Variants in OC90 observed in about 807,000 individuals in gnomAD.
OC90 encodes the protein otoconin 90, also known as otoconin-90.
OC90 carries 46 observed loss-of-function variants against 47.3 expected under a neutral mutation model. The ratio of observed to expected loss-of-function variants is 0.97; its 90% CI spans 0.77 to 1.24. The LOEUF (loss-of-function observed/expected upper bound fraction) is 1.24. Among genes scored for constraint, OC90 ranks in the 50% most tolerant of loss-of-function variants. OC90 has a pLI of 0.00. For missense variants in OC90, 688 were observed against 583.9 expected, an observed-to-expected ratio of 1.18 and a Z score of -1.84; for synonymous variants, 271 against 219.5, an observed-to-expected ratio of 1.23 and a Z score of -2.07.
chr8:132,029,783 T>C (rs1317735128), intron 12 of OC90, among the ~76,000 whole-genome samples: 1 of 152,262 alleles, frequency 6.6e-6, no homozygotes, highest in Non-Finnish European at 1.5e-5. Context: ...CCATCTTGGC[T>C]GATACGGCCT....
intron 1 of OC90, among the ~76,000 whole-genome samples, chr8:132,057,892 G>A (rs1351246598): frequency 1.3e-5 from 2 of 152,214 alleles, no homozygotes; most frequent in Admixed American, 1.3e-4. Context: ...AGAAGGGGGC[G>A]CTCTGGCAAT....
intron 11 of OC90, among the ~76,000 whole-genome samples, chr8:132,032,427 G>A (rs1489647535): frequency 6.6e-6 from 1 of 152,084 alleles, no homozygotes; most frequent in Non-Finnish European, 1.5e-5. Flanking sequence ...GTCGCATCAG[G>A]TTAGCACACC....
At chr8:132,032,483 C>T (rs573315217) in intron 11 of OC90, among the ~76,000 whole-genome samples, 2 of 152,238 alleles carry the variant, frequency 1.3e-5, no homozygotes, top group East Asian at 3.9e-4. Context: ...TCTCCCCACT[C>T]CCCTCTCTTT....
At chr8:132,055,524 C>G (rs1357374033) in intron 1 of OC90, among the ~76,000 whole-genome samples, 19 of 152,112 alleles carry the variant, frequency 1.2e-4, no homozygotes, top group Admixed American at 1.2e-3. Context: ...TTTAAATAGC[C>G]CGTACTTTAT....
intron 13 of OC90, among the ~76,000 whole-genome samples, chr8:132,028,567 G>GAAAGAAGA (rs1157447594): frequency 7.7e-5 from 1 of 12,966 alleles, no homozygotes; most frequent in African/African-American, 1.6e-4. Flanking sequence ...AGAAAGAAAG[G>GAAAGAAGA]AAGGAAGGAA....
At chr8:132,036,970 A>G (rs1351390144) in intron 9 of OC90, among the ~76,000 whole-genome samples, 3 of 152,246 alleles carry the variant, frequency 2.0e-5, no homozygotes, top group Admixed American at 1.3e-4. Flanking sequence ...GCTTGCTCTC[A>G]TTTAATCCTT....
intron 11 of OC90, among the ~76,000 whole-genome samples, chr8:132,032,483 C>A (rs573315217): frequency 6.6e-6 from 1 of 152,120 alleles, no homozygotes; most frequent in East Asian, 1.9e-4. Flanking sequence ...TCTCCCCACT[C>A]CCCTCTCTTT....
At chr8:132,054,912 A>C (rs939115530) in intron 2 of OC90, 69 bp downstream of exon 2, 2 of 1,137,348 alleles carry the variant, frequency 1.8e-6, no homozygotes, top group African/African-American at 3.1e-5. Flanking sequence ...GGGCCTGTTG[A>C]AGGGACAGTA....
intron 6 of OC90, 40 bp from the exon 7 acceptor site, chr8:132,039,163 G>C: frequency 6.4e-7 from 1 of 1,561,552 alleles, no homozygotes; most frequent in Non-Finnish European, 8.7e-7. Context: ...AAAGATCTCA[G>C]CTGGAATCCC....
At chr8:132,042,439 A>G (rs1463944586) in intron 4 of OC90, among the ~76,000 whole-genome samples, 1 of 152,100 alleles carries the variant, frequency 6.6e-6, no homozygotes, top group Admixed American at 6.5e-5. Flanking sequence ...CACATGGGTA[A>G]ATTGATACTG....
At chr8:132,031,084 A>G (rs986922688) in intron 12 of OC90, among the ~76,000 whole-genome samples, 1 of 152,158 alleles carries the variant, frequency 6.6e-6, no homozygotes, top group Non-Finnish European at 1.5e-5. Flanking sequence ...AACTTGATCA[A>G]CGCTACTTTG....
chr8:132,049,358 T>C lies in OC90; in HGVS notation c.47-3475A>G, dbSNP rs562006386. Among the ~76,000 whole-genome samples the C allele has an allele frequency of 2.2e-3, 340 of 152,290 alleles. 4 individuals carry two copies. Among genetic ancestry groups the C allele is most frequent in the Middle Eastern group, 0.014 (4 of 294 alleles). ...TTGGGGAAGCAGCCCAGCCTAGTGA[T>C]CATGGCTGGAAAAAGATCCTGTCCA... On this transcript the variant is annotated intron_variant, in intron 2 of 13. Coordinates refer to ENST00000254627, the MANE Select transcript of OC90 (RefSeq NM_001080399.3).
In OC90 at chr8:132,034,881, T is replaced by C. The variant is rs756947028; in HGVS notation, c.680-47A>G. The C allele has an allele frequency of 6.0e-6, 9 of 1,494,998 alleles. No individual in the cohort carries two copies. The Admixed American group carries it at 1.2e-4, about 20-fold the overall frequency. 92.6% of individuals were successfully genotyped at this position (1,494,998 alleles called of 1,614,324 possible). A position where few individuals can be genotyped will look rare whatever the true frequency, so the allele number is the denominator to read the frequency against. On this transcript the variant is annotated intron_variant, in intron 9 of 13. Coordinates refer to ENST00000254627, the MANE Select transcript of OC90 (RefSeq NM_001080399.3). ...CAGCATGAGCATCCACCCCAGCCTG[T>C]CCCACCTGGGTTTCCAGAGGCTCTT...
At chr8:132,034,192 C>A (rs758832061) in intron 10 of OC90, among the ~76,000 whole-genome samples, 15 of 152,200 alleles carry the variant, frequency 9.9e-5, no homozygotes, top group Non-Finnish European at 1.6e-4. Context: ...TTAAAGAAAT[C>A]TGAGTTTGAG....
chr8:132,034,941 C>T (rs1822935327), intron 9 of OC90, 107 bp from the exon 10 acceptor site: 1 of 741,618 alleles, frequency 1.3e-6, no homozygotes, highest in Non-Finnish European at 2.3e-6. Context: ...ATGTGCTCTT[C>T]ACTCTGCCCC....
At chr8:132,038,951 C>G in intron 7 of OC90, 44 bp downstream of exon 7, 1 of 1,613,728 alleles carries the variant, frequency 6.2e-7, no homozygotes, top group Admixed American at 1.7e-5. Flanking sequence ...CAGCTGCTGT[C>G]CAGATCCTCA....
At chr8:132,028,517 G>GAAAGAAAGA (rs1447981747) in intron 13 of OC90, among the ~76,000 whole-genome samples, 34 of 134,298 alleles carry the variant, frequency 2.5e-4, no homozygotes, top group African/African-American at 9.0e-4. Context: ...AAAAGAAAAA[G>GAAAGAAAGA]AAAGAAAGAA....
chr8:132,034,875 A>C, intron 9 of OC90, 41 bp from the exon 10 acceptor site: 2 of 1,532,418 alleles, frequency 1.3e-6, no homozygotes, highest in Middle Eastern at 3.4e-4. Context: ...CATCCACCCC[A>C]GCCTGTCCCA....
chr8:132,031,329 T>A (rs149321678), intron 12 of OC90, among the ~76,000 whole-genome samples: 1 of 152,226 alleles, frequency 6.6e-6, no homozygotes, highest in Non-Finnish European at 1.5e-5. Context: ...ATGGGTTTGA[T>A]GCATATTTAA....
Sources: gnomAD v4.1 joint callset for allele counts (sites outside exome capture counted in the v4.1 genomes callset) on GRCh38, gnomAD v4.1.1 for gene constraint, MANE v1.5 for transcripts, NCBI Gene and HGNC (gene_info 2026-07-23, HGNC 2026-07-21) for gene names.